Variants in PPFIA2 observed in about 807,000 individuals in gnomAD.
PPFIA2 encodes liprin-alpha-2.
A neutral mutation model predicts 175.5 loss-of-function variants in PPFIA2; 46 were observed. That is an observed-to-expected ratio of 0.26 (90% CI 0.21 to 0.34). PPFIA2 has a LOEUF of 0.34. PPFIA2 is among the 10% of genes least tolerant of loss of function. The pLI, the probability that PPFIA2 is intolerant of heterozygous loss-of-function variation, is 1.00. For missense variants in PPFIA2, 1,179 were observed against 1,506.1 expected (o/e 0.78, Z 3.60); for synonymous variants, 568 against 511.4 (o/e 1.11, Z -1.49).
At chr12:81,494,363 T>A (rs1191943683) in intron 4 of PPFIA2, among the ~76,000 whole-genome samples, 1 of 152,110 alleles carries the variant, frequency 6.6e-6, no homozygotes. Context: ...TCACTGGCCA[T>A]CAGAGAAATG....
intron 4 of PPFIA2, chr12:81,598,156 C>T (rs1036140039): frequency 2.1e-6 from 3 of 1,463,200 alleles, no homozygotes; most frequent in Non-Finnish European, 1.8e-6. Flanking sequence ...CTGCCCCATC[C>T]TTCTTACATA....
At chr12:81,709,970 G>A (rs140022846) in intron 3 of PPFIA2, among the ~76,000 whole-genome samples, 2,752 of 151,856 alleles carry the variant, frequency 0.018, 47 homozygotes, top group South Asian at 0.03. Flanking sequence ...ATAAATCTTG[G>A]CCATATTGAA....
Position 81,384,136 on chromosome 12 carries a change from A to C in PPFIA2, c.871T>G (p.Leu291Val). The change falls in exon 9 of 33, where the codon TTA becomes GTA. Residue 291 changes from leucine (L) to valine (V), a missense_variant. By Grantham distance (32) the Leu-to-Val change is conservative (BLOSUM62 1). Transcript: ENST00000549396. ...NYEMAQMKER[L>V]AALSSRVGEV... The stretch of plus-strand genomic sequence containing the variant: ...CCCACTCGGGAAGAAAGGGCTGCTA[A>C]ACGTTCTTTCATCTGGGCCATTTCA... 3.7e-6 allele frequency: 6 copies of C among 1,612,826 alleles called. No homozygotes were observed. Among genetic ancestry groups the C allele is most frequent in the Non-Finnish European group, 4.2e-6 (5 of 1,179,190 alleles).
At chr12:81,313,061 C>T (rs1337140465) in intron 22 of PPFIA2, among the ~76,000 whole-genome samples, 1 of 151,908 alleles carries the variant, frequency 6.6e-6, no homozygotes, top group Admixed American at 6.6e-5. Context: ...TATTGGTTCA[C>T]CAATATTACC....
At chr12:81,490,125 A>G (rs1377406728) in intron 4 of PPFIA2, among the ~76,000 whole-genome samples, 1 of 151,940 alleles carries the variant, frequency 6.6e-6, no homozygotes, top group African/African-American at 2.4e-5. Flanking sequence ...AATTAAGCGA[A>G]TTAAGTTGTT....
chr12:81,726,446 C>A (rs2080086407), intron 3 of PPFIA2, among the ~76,000 whole-genome samples: 1 of 151,172 alleles, frequency 6.6e-6, no homozygotes, highest in African/African-American at 2.4e-5. Context: ...GAAATCTTTT[C>A]TCCTACTCCT....
intron 13 of PPFIA2, among the ~76,000 whole-genome samples, chr12:81,367,943 T>C (rs1254645772): frequency 6.6e-6 from 1 of 151,786 alleles, no homozygotes; most frequent in Non-Finnish European, 1.5e-5. Context: ...CATGTCTTAT[T>C]ACTTTCTAAT....
intron 3 of PPFIA2, among the ~76,000 whole-genome samples, chr12:81,724,377 A>G (rs1276678056): frequency 6.6e-6 from 1 of 150,808 alleles, no homozygotes; most frequent in Non-Finnish European, 1.5e-5. Context: ...TTCTTACATG[A>G]ATACATTGTT....
intron 4 of PPFIA2, among the ~76,000 whole-genome samples, chr12:81,494,350 C>G (rs1489222690): frequency 6.6e-6 from 1 of 152,066 alleles, no homozygotes; most frequent in Non-Finnish European, 1.5e-5. Flanking sequence ...AAAATGCTCA[C>G]CATCACTGGC....
chr12:81,367,268 T>G (rs2141399175), intron 13 of PPFIA2, 98 bp from the exon 14 acceptor site: 1 of 818,140 alleles, frequency 1.2e-6, no homozygotes, highest in Non-Finnish European at 1.6e-6. Context: ...TCCTCTTAGA[T>G]TCCTTCCTTA....
chr12:81,546,796 G>GT (rs1173360223), intron 4 of PPFIA2, among the ~76,000 whole-genome samples: 1 of 151,678 alleles, frequency 6.6e-6, no homozygotes, highest in East Asian at 1.9e-4. Context: ...GATAGATCAT[G>GT]TTTTTTATGT....
chr12:81,432,789 A>T (rs1292533531), intron 7 of PPFIA2, among the ~76,000 whole-genome samples: 7 of 152,132 alleles, frequency 4.6e-5, no homozygotes, highest in Non-Finnish European at 2.9e-5. Flanking sequence ...GAGTTTGTTA[A>T]CATATTTATA....
chr12:81,436,474 A>G (rs948819046), intron 7 of PPFIA2, among the ~76,000 whole-genome samples: 1 of 151,810 alleles, frequency 6.6e-6, no homozygotes, highest in Non-Finnish European at 1.5e-5. Context: ...TTTAAAAACT[A>G]TCTTCTTCAG....
intron 4 of PPFIA2, among the ~76,000 whole-genome samples, chr12:81,509,143 C>G (rs780146721): frequency 6.6e-6 from 1 of 152,050 alleles, no homozygotes; most frequent in Non-Finnish European, 1.5e-5. Context: ...AATAACGTTA[C>G]TTCATTGGGA....
intron 4 of PPFIA2, among the ~76,000 whole-genome samples, chr12:81,473,340 C>T (rs1273715205): frequency 2.6e-5 from 4 of 152,140 alleles, no homozygotes; most frequent in East Asian, 1.9e-4. Context: ...ACCCGGGAGG[C>T]GGAGGTTGCA....
chr12:81,269,214 A>G (rs2038341217), intron 28 of PPFIA2, among the ~76,000 whole-genome samples: 1 of 152,178 alleles, frequency 6.6e-6, no homozygotes, highest in South Asian at 2.1e-4. Flanking sequence ...AATAGTCCGA[A>G]GGACTAAAAT....
chr12:81,721,982 A>G (rs2079414457), intron 3 of PPFIA2, among the ~76,000 whole-genome samples: 1 of 151,120 alleles, frequency 6.6e-6, no homozygotes, highest in Non-Finnish European at 1.5e-5. Context: ...GTGCTGTACA[A>G]TCATAATATA....
At chr12:81,269,435 C>A (rs1359181892) in intron 28 of PPFIA2, among the ~76,000 whole-genome samples, 1 of 152,148 alleles carries the variant, frequency 6.6e-6, no homozygotes. Flanking sequence ...TCAACTTTAA[C>A]TGTTTTAAAT....
At chr12:81,504,783 G>A (rs1201556716) in intron 4 of PPFIA2, among the ~76,000 whole-genome samples, 1 of 152,130 alleles carries the variant, frequency 6.6e-6, no homozygotes, top group East Asian at 1.9e-4. Flanking sequence ...AGAAAATGTG[G>A]CACATATATA....
Sources: allele counts gnomAD v4.1 joint callset (sites outside exome capture counted in the v4.1 genomes callset), GRCh38; gene constraint gnomAD v4.1.1; transcripts MANE v1.5; gene names NCBI Gene and HGNC (gene_info 2026-07-23, HGNC 2026-07-21).